Variants in AFAP1L2 observed in about 807,000 individuals in gnomAD.
The protein encoded by AFAP1L2 is actin filament-associated protein 1-like 2.
Under a neutral mutation model 99.3 loss-of-function variants are expected in AFAP1L2, and 46 were observed. The observed-to-expected ratio is 0.46, with a 90% CI of 0.37 to 0.59. AFAP1L2 has a LOEUF of 0.59. AFAP1L2 is among the 20% of genes least tolerant of loss of function. The pLI is 0.00. For synonymous variants in AFAP1L2, 397 were observed against 419.1 expected (o/e 0.95, Z 0.64); for missense variants, 959 against 1,034.9 (o/e 0.93, Z 1.01).
chr10:114,286,454 G>C, the AFAP1L2 span: 1 of 1,609,914 alleles, frequency 6.2e-7, no homozygotes, highest in East Asian at 2.2e-5. Flanking sequence ...GGATCCTCAG[G>C]ATCTGTTCAA....
intron 4 of AFAP1L2, among the ~76,000 whole-genome samples, chr10:114,323,619 G>C (rs1410483058): frequency 6.6e-6 from 1 of 152,276 alleles, no homozygotes; most frequent in South Asian, 2.1e-4. Flanking sequence ...AGCTATTGTG[G>C]CTTTTAAATA....
chr10:114,318,964 G>A (rs1047464129), intron 5 of AFAP1L2, among the ~76,000 whole-genome samples: 3 of 151,728 alleles, frequency 2.0e-5, no homozygotes, highest in Non-Finnish European at 4.4e-5. Flanking sequence ...AACCAGTCTG[G>A]CCAATATGAC....
At chr10:114,291,572 G>T (rs574315554), downstream of AFAP1L2, 2 of 283,060 alleles carry the variant, frequency 7.1e-6, no homozygotes, top group Admixed American at 4.8e-5. Flanking sequence ...GATAAACAAG[G>T]GGTCCTGAAG....
chr10:114,321,446 T>C (rs2045293177), intron 5 of AFAP1L2, among the ~76,000 whole-genome samples: 1 of 152,234 alleles, frequency 6.6e-6, no homozygotes, highest in Non-Finnish European at 1.5e-5. Context: ...TATACCTTTT[T>C]CTGGCTGAGT....
chr10:114,398,813 T>G (rs1379052474), intron 1 of AFAP1L2: 1 of 1,303,768 alleles, frequency 7.7e-7, no homozygotes, highest in Non-Finnish European at 1.0e-6. Context: ...GGAGGCCAGG[T>G]GAGCTGCTGC....
intron 1 of AFAP1L2, among the ~76,000 whole-genome samples, chr10:114,393,884 G>A (rs1370880377): frequency 1.3e-5 from 2 of 152,238 alleles, no homozygotes; most frequent in Non-Finnish European, 2.9e-5. Flanking sequence ...TCAACGTTGA[G>A]CCTTCATGCT....
At chr10:114,296,443 G>A (rs1366395505) in intron 18 of AFAP1L2, 1 of 251,982 alleles carries the variant, frequency 4.0e-6, no homozygotes, top group East Asian at 8.6e-5. Context: ...GTTCTTTAGT[G>A]TACAAATGAG....
intron 11 of AFAP1L2, among the ~76,000 whole-genome samples, chr10:114,303,712 T>C (rs1049666319): frequency 2.0e-5 from 3 of 152,182 alleles, no homozygotes; most frequent in African/African-American, 7.2e-5. Flanking sequence ...AGCAGGTCCC[T>C]TCTTGCCCCC....
intron 1 of AFAP1L2, among the ~76,000 whole-genome samples, chr10:114,395,911 T>G (rs537234831): frequency 6.6e-6 from 1 of 152,170 alleles, no homozygotes; most frequent in Admixed American, 6.5e-5. Context: ...ATCAGGGAAA[T>G]TTCACTTCAA....
chr10:114,347,812 G>A (rs1320267070), intron 1 of AFAP1L2, among the ~76,000 whole-genome samples: 1 of 151,796 alleles, frequency 6.6e-6, no homozygotes, highest in Non-Finnish European at 1.5e-5. Context: ...TTTTTTTTGT[G>A]ATGGTAAAAT....
At chr10:114,360,437 T>C (rs968022234) in intron 1 of AFAP1L2, among the ~76,000 whole-genome samples, 2 of 151,688 alleles carry the variant, frequency 1.3e-5, no homozygotes, top group African/African-American at 4.8e-5. Flanking sequence ...GTCATTTCCT[T>C]ATAAGAAATC....
chr10:114,337,962 GT>G (rs1209101853), intron 2 of AFAP1L2, among the ~76,000 whole-genome samples: 11 of 152,170 alleles, frequency 7.2e-5, no homozygotes, highest in African/African-American at 2.7e-4. Context: ...TTGATGTGCT[GT>G]TGACCAGCAC....
intron 2 of AFAP1L2, among the ~76,000 whole-genome samples, chr10:114,333,798 GC>G (rs1272591340): frequency 1.3e-5 from 2 of 152,134 alleles, no homozygotes; most frequent in Non-Finnish European, 2.9e-5. Context: ...GCAACAGAGT[GC>G]GACTCCATCT....
chr10:114,311,727 C>T (rs1402488626), intron 7 of AFAP1L2, among the ~76,000 whole-genome samples: 3 of 152,198 alleles, frequency 2.0e-5, no homozygotes, highest in Non-Finnish European at 4.4e-5. Context: ...GGGGCGGGGG[C>T]AGGGTCATGC....
chr10:114,382,588 CTT>C (rs1554956154), intron 1 of AFAP1L2, among the ~76,000 whole-genome samples: 2 of 93,296 alleles, frequency 2.1e-5, no homozygotes, highest in Admixed American at 2.6e-4. Flanking sequence ...TATTTCTTCT[CTT>C]TTTTTTTTTT....
intron 1 of AFAP1L2, among the ~76,000 whole-genome samples, chr10:114,342,345 C>G (rs1421727798): frequency 6.6e-6 from 1 of 152,206 alleles, no homozygotes; most frequent in Non-Finnish European, 1.5e-5. Flanking sequence ...GTCTAGATAA[C>G]ATTCCTCCTG....
At chr10:114,334,956 C>A (rs1399013595) in intron 2 of AFAP1L2, among the ~76,000 whole-genome samples, 1 of 152,118 alleles carries the variant, frequency 6.6e-6, no homozygotes, top group South Asian at 2.1e-4. Flanking sequence ...CTCAAGAGTA[C>A]AAAACTCAGA....
At chr10:114,290,385 T>C (rs1051921495), downstream of AFAP1L2, 3 of 1,549,864 alleles carry the variant, frequency 1.9e-6, no homozygotes, top group Admixed American at 2.0e-5. Context: ...GCTCTTGCTC[T>C]GTATGTGTGA....
chr10:114,319,644 AC>A (rs1488141021), intron 5 of AFAP1L2: 1 of 1,289,614 alleles, frequency 7.8e-7, no homozygotes. Context: ...CGCCAGAGTG[AC>A]CTGCATAACA....
Sources: gnomAD v4.1 joint callset for allele counts (sites outside exome capture counted in the v4.1 genomes callset) on GRCh38, gnomAD v4.1.1 for gene constraint, MANE v1.5 for transcripts, NCBI Gene and HGNC (gene_info 2026-07-23, HGNC 2026-07-21) for gene names.